The following DPF3 variants were observed in gnomAD, a reference collection of about 807,000 sequenced individuals.
DPF3 encodes the protein zinc finger protein DPF3.
DPF3 carries 18 observed loss-of-function variants against 56.8 expected under a neutral mutation model. The ratio of observed to expected loss-of-function variants is 0.32; its 90% CI spans 0.22 to 0.47. DPF3 has a LOEUF of 0.47. Among genes scored for constraint, DPF3 ranks in the 20% least tolerant of loss-of-function variants. DPF3 has a pLI of 1.00. For synonymous variants in DPF3, 188 were observed against 180.2 expected (o/e 1.04, Z -0.35); for missense variants, 403 against 488.8 (o/e 0.82, Z 1.65).
chr14:72,812,601 G>A (rs1019775426), intron 1 of DPF3, among the ~76,000 whole-genome samples: 2 of 152,164 alleles, frequency 1.3e-5, no homozygotes, highest in Non-Finnish European at 2.9e-5. Flanking sequence ...CACTGCTGGC[G>A]GAGCGGAGAG....
intron 4 of DPF3, among the ~76,000 whole-genome samples, chr14:72,727,327 C>T (rs1347052249): frequency 6.6e-6 from 1 of 152,170 alleles, no homozygotes; most frequent in Non-Finnish European, 1.5e-5. Flanking sequence ...CCTGTAATCC[C>T]AGCACTTTGG....
chr14:72,771,393 C>T (rs898904416), intron 2 of DPF3, among the ~76,000 whole-genome samples: 4 of 152,036 alleles, frequency 2.6e-5, no homozygotes, highest in African/African-American at 4.8e-5. Context: ...GGCAGATTTC[C>T]GGCTTGTAAC....
intron 1 of DPF3, among the ~76,000 whole-genome samples, chr14:72,833,485 G>A (rs1017919905): frequency 9.2e-5 from 14 of 152,176 alleles, no homozygotes; most frequent in African/African-American, 2.2e-4. Context: ...TAATGTACGG[G>A]GATGGATGCC....
intron 8 of DPF3, among the ~76,000 whole-genome samples, chr14:72,657,922 TTC>T (rs1217448073): frequency 6.6e-6 from 1 of 152,072 alleles, no homozygotes; most frequent in Non-Finnish European, 1.5e-5. Context: ...GCAAAAAAAT[TTC>T]TTATTCAGAA....
In DPF3 at chr14:72,630,026, C is replaced by G. The variant is rs937233884; in HGVS notation, c.872-290G>C. ...GATGGAAAACAATGATCAGAGAGAA[C>G]GAGAGAGGAAACTGCAGAGTACACA... On this transcript the variant is annotated intron_variant, in intron 8 of 10. Transcript: ENST00000556509. Among the ~76,000 whole-genome samples the G allele has an allele frequency of 2.0e-5, 3 of 152,182 alleles. No individual in the cohort carries two copies. The East Asian group carries it at 5.8e-4, about 29-fold the overall frequency.
intron 3 of DPF3, among the ~76,000 whole-genome samples, chr14:72,739,933 C>T (rs1890058490): frequency 6.6e-6 from 1 of 152,088 alleles, no homozygotes; most frequent in Non-Finnish European, 1.5e-5. Flanking sequence ...ACAAGTGAAA[C>T]CTTCAGTGTG....
At chr14:72,658,277 T>A (rs918554878) in intron 8 of DPF3, among the ~76,000 whole-genome samples, 1 of 152,148 alleles carries the variant, frequency 6.6e-6, no homozygotes, top group African/African-American at 2.4e-5. Context: ...AATATCTACA[T>A]CTACTATGTA....
intron 8 of DPF3, chr14:72,662,565 A>G: frequency 1.0e-6 from 1 of 985,228 alleles, no homozygotes; most frequent in Non-Finnish European, 1.2e-6. Flanking sequence ...AAATATAATG[A>G]AGATTTAAAA....
At chr14:72,694,949 C>A (rs185152799) in intron 6 of DPF3, among the ~76,000 whole-genome samples, 166 of 152,164 alleles carry the variant, frequency 1.1e-3, no homozygotes, top group African/African-American at 3.5e-3. Context: ...ATTATTGAAC[C>A]ATTCTTGCAT....
intron 10 of DPF3, 92 bp from the exon 11 acceptor site, chr14:72,619,459 T>C: frequency 7.1e-7 from 1 of 1,416,986 alleles, no homozygotes; most frequent in Non-Finnish European, 9.5e-7. Context: ...TCCTGTTTCC[T>C]TTGAACTTTG....
intron 8 of DPF3, among the ~76,000 whole-genome samples, chr14:72,673,590 T>C (rs1316358485): frequency 6.6e-6 from 1 of 152,262 alleles, no homozygotes; most frequent in Non-Finnish European, 1.5e-5. Flanking sequence ...AGTCTCTTTC[T>C]GTTATTTTAG....
intron 6 of DPF3, among the ~76,000 whole-genome samples, chr14:72,697,798 T>C (rs1887968764): frequency 6.6e-6 from 1 of 152,122 alleles, no homozygotes; most frequent in African/African-American, 2.4e-5. Context: ...GAGGGGTTAA[T>C]GAGAGAACTT....
rs578020164 is a variant in DPF3 at position 72,760,498 on chromosome 14, T to C, written c.194-7127A>G. On this transcript the variant is annotated intron_variant, in intron 2 of 10. Transcript: ENST00000556509. The stretch of plus-strand genomic sequence containing the variant: ...CCTGTCTTCGAAGTCCCTTTTGCCA[T>C]GTAAGGTAACATACGCACAGATTTC... Among the ~76,000 whole-genome samples, 24 of 152,292 alleles carry C rather than the reference T, an allele frequency of 1.6e-4. 1 individual carries two copies. The highest frequency in any genetic ancestry group is 4.8e-5 in the African/African-American group (2 of 41,566).
At position 72,840,706 on chromosome 14, in the gene DPF3, C is replaced by T. The variant is rs537353480; in HGVS notation, c.32+53351G>A. Among the ~76,000 whole-genome samples the T allele has an allele frequency of 2.8e-3, 426 of 152,318 alleles. 1 individual carries two copies. The highest frequency in any genetic ancestry group is 3.8e-3 in the Non-Finnish European group (257 of 68,034). On this transcript the variant is annotated intron_variant, in intron 1 of 10. Transcript: ENST00000556509. ...ATGATATAAAGGTGTCAAAGCTATT[C>T]AGCCATTCCTCTACTGATGGGAATT... is the stretch of plus-strand genomic sequence containing the variant.
chr14:72,865,636 G>A (rs932200712), intron 1 of DPF3, among the ~76,000 whole-genome samples: 2 of 152,216 alleles, frequency 1.3e-5, no homozygotes, highest in Non-Finnish European at 2.9e-5. Context: ...ATGGTGCACC[G>A]AGGACCTCAC....
At chr14:72,674,498 A>C in intron 7 of DPF3, 130 bp from the exon 8 acceptor site, 1 of 1,339,068 alleles carries the variant, frequency 7.5e-7, no homozygotes, top group Non-Finnish European at 1.0e-6. Context: ...AAGTTGGCAA[A>C]TTGGGCTACG....
intron 8 of DPF3, among the ~76,000 whole-genome samples, chr14:72,639,907 A>T (rs1281417358): frequency 6.6e-6 from 1 of 152,028 alleles, no homozygotes. Flanking sequence ...ATACAATGTG[A>T]TAAGTGCCAT....
chr14:72,881,156 G>A (rs1886306792), intron 1 of DPF3, among the ~76,000 whole-genome samples: 1 of 152,306 alleles, frequency 6.6e-6, no homozygotes, highest in Admixed American at 6.5e-5. Flanking sequence ...GGAAGGCTGG[G>A]GTGAGCAGGA....
At chr14:72,662,056 G>T (rs1481057957) in intron 8 of DPF3, 1 of 984,842 alleles carries the variant, frequency 1.0e-6, no homozygotes. Flanking sequence ...CAATGAGGGT[G>T]GGGGAAACTG....
Sources: allele counts gnomAD v4.1 joint callset (sites outside exome capture counted in the v4.1 genomes callset), GRCh38; gene constraint gnomAD v4.1.1; transcripts MANE v1.5; gene names NCBI Gene and HGNC (gene_info 2026-07-23, HGNC 2026-07-21).